The following SRRM4 variants were observed in gnomAD, a reference collection of about 807,000 sequenced individuals.
SRRM4 encodes the protein serine/arginine repetitive matrix protein 4.
In SRRM4, 33 loss-of-function variants were observed where a neutral mutation model predicts 68.9. The observed-to-expected ratio is 0.48, with a 90% CI of 0.36 to 0.64. The LOEUF is 0.64. SRRM4 is among the 30% of genes least tolerant of loss of function. The probability of loss-of-function intolerance (pLI) is 0.00; values close to 1 mark genes in which losing one functional copy is unlikely to be tolerated. For missense variants in SRRM4, 817 were observed against 827.1 expected (o/e 0.99, Z 0.15); for synonymous variants, 318 against 318.8 (o/e 1.00, Z 0.03).
At chr12:119,115,701 G>T (rs568840660) in intron 3 of SRRM4, among the ~76,000 whole-genome samples, 8 of 152,244 alleles carry the variant, frequency 5.3e-5, no homozygotes, top group African/African-American at 1.9e-4. Flanking sequence ...GTGGGCCAGA[G>T]AATACTCTAA....
At chr12:119,029,611 G>A (rs1165369280) in intron 1 of SRRM4, among the ~76,000 whole-genome samples, 3 of 152,122 alleles carry the variant, frequency 2.0e-5, no homozygotes, top group Admixed American at 6.5e-5. Context: ...AATCCATCTT[G>A]TTACAAACTA....
At chr12:118,993,091 T>G (rs1018126964) in intron 1 of SRRM4, among the ~76,000 whole-genome samples, 25 of 152,188 alleles carry the variant, frequency 1.6e-4, no homozygotes, top group Non-Finnish European at 3.7e-4. Flanking sequence ...GTACCAGTGT[T>G]ATATCCATTT....
chr12:119,039,034 T>C (rs1953648039), intron 1 of SRRM4, among the ~76,000 whole-genome samples: 1 of 152,194 alleles, frequency 6.6e-6, no homozygotes, highest in African/African-American at 2.4e-5. Context: ...AACAGGGAGC[T>C]GAAGAAATAA....
At chr12:119,040,790 G>A (rs1156372715) in intron 1 of SRRM4, among the ~76,000 whole-genome samples, 1 of 152,014 alleles carries the variant, frequency 6.6e-6, no homozygotes. Context: ...TCACTCTGTT[G>A]CCCAGGCTGG....
chr12:118,989,661 A>G (rs187166149), intron 1 of SRRM4: 1 of 152,148 alleles, frequency 6.6e-6, no homozygotes, highest in Non-Finnish European at 1.5e-5. Context: ...GACAAAGCCA[A>G]ACCAAATACA....
intron 1 of SRRM4, among the ~76,000 whole-genome samples, chr12:119,048,346 T>G (rs754868827): frequency 9.2e-5 from 14 of 152,180 alleles, no homozygotes; most frequent in Non-Finnish European, 1.8e-4. Flanking sequence ...ACCTTTCTTC[T>G]TTTTCCTAAA....
At chr12:119,035,342 T>C (rs1209260057) in intron 1 of SRRM4, among the ~76,000 whole-genome samples, 3 of 152,186 alleles carry the variant, frequency 2.0e-5, no homozygotes, top group Non-Finnish European at 4.4e-5. Flanking sequence ...TTATTGAAAC[T>C]GGAAAAGTTT....
intron 1 of SRRM4, among the ~76,000 whole-genome samples, chr12:119,100,433 T>A (rs1290622955): frequency 6.6e-6 from 1 of 151,398 alleles, no homozygotes; most frequent in Non-Finnish European, 1.5e-5. Context: ...AAGGCTGCAG[T>A]GAGCTGTGAT....
intron 2 of SRRM4, among the ~76,000 whole-genome samples, chr12:119,106,956 T>A (rs1954111459): frequency 6.6e-6 from 1 of 152,206 alleles, no homozygotes. Flanking sequence ...TTGTCATAAA[T>A]AGCTCTCATT....
chr12:119,021,970 G>A (rs1315935793), intron 1 of SRRM4, among the ~76,000 whole-genome samples: 1 of 152,004 alleles, frequency 6.6e-6, no homozygotes. Context: ...GGGTCAAATG[G>A]TATTTCTTGT....
intron 2 of SRRM4, among the ~76,000 whole-genome samples, chr12:119,106,301 T>G (rs183360443): frequency 2.6e-5 from 4 of 152,348 alleles, no homozygotes; most frequent in Non-Finnish European, 4.4e-5. Flanking sequence ...GGCTCTTTTT[T>G]GGTTCCATAT....
chr12:119,111,359 G>A (rs1954142220), intron 2 of SRRM4, among the ~76,000 whole-genome samples: 1 of 152,140 alleles, frequency 6.6e-6, no homozygotes, highest in South Asian at 2.1e-4. Flanking sequence ...GATTTATTGA[G>A]GGAGTTGATG....
chr12:119,145,706 C>A (rs776024883), intron 9 of SRRM4, 21 bp downstream of exon 9: 3 of 1,476,116 alleles, frequency 2.0e-6, no homozygotes, highest in South Asian at 1.5e-5. Context: ...CACACAGGGT[C>A]GGGGGTAGAC....
intron 1 of SRRM4, among the ~76,000 whole-genome samples, chr12:119,040,431 C>T (rs1009207706): frequency 6.6e-6 from 1 of 152,192 alleles, no homozygotes; most frequent in South Asian, 2.1e-4. Context: ...TCCCACATAT[C>T]AGTGAGAACA....
At chr12:119,148,702 C>T (rs1195030372) in intron 9 of SRRM4, among the ~76,000 whole-genome samples, 1 of 152,280 alleles carries the variant, frequency 6.6e-6, no homozygotes, top group East Asian at 1.9e-4. Flanking sequence ...AATATGTCCC[C>T]CAAACAGGAA....
chr12:118,985,364 A>T (rs564542822), intron 1 of SRRM4, among the ~76,000 whole-genome samples: 4 of 152,352 alleles, frequency 2.6e-5, no homozygotes, highest in African/African-American at 4.8e-5. Flanking sequence ...GTTTGTATAG[A>T]GAAGACCAGG....
chr12:119,007,107 G>A (rs769169557), intron 1 of SRRM4, among the ~76,000 whole-genome samples: 7 of 152,178 alleles, frequency 4.6e-5, no homozygotes, highest in Middle Eastern at 3.2e-3. Flanking sequence ...TGGCCTAACT[G>A]AGCTGTAGAC....
chr12:119,123,527 C>T (rs1822100299), intron 6 of SRRM4, among the ~76,000 whole-genome samples: 1 of 152,010 alleles, frequency 6.6e-6, no homozygotes. Flanking sequence ...ATAAGGACTG[C>T]CTGCGTAAGG....
intron 1 of SRRM4, among the ~76,000 whole-genome samples, chr12:119,036,510 C>G (rs966083445): frequency 1.3e-5 from 2 of 152,120 alleles, no homozygotes; most frequent in Admixed American, 1.3e-4. Flanking sequence ...CCTTCCTCAG[C>G]TTCCAGCAGA....
Sources: allele counts gnomAD v4.1 joint callset (sites outside exome capture counted in the v4.1 genomes callset), GRCh38; gene constraint gnomAD v4.1.1; transcripts MANE v1.5; gene names NCBI Gene and HGNC (gene_info 2026-07-23, HGNC 2026-07-21).